Variants in ELMO1 observed in about 807,000 individuals in gnomAD.
ELMO1 encodes the protein engulfment and cell motility protein 1.
In ELMO1, 26 loss-of-function variants were observed where a neutral mutation model predicts 98.9. The observed-to-expected ratio is 0.26, with a 90% CI of 0.19 to 0.36. The LOEUF (loss-of-function observed/expected upper bound fraction) is 0.36. Among genes scored for constraint, ELMO1 ranks in the 10% least tolerant of loss-of-function variants. ELMO1 has a pLI of 1.00. For synonymous variants in ELMO1, 346 were observed against 346.0 expected (o/e 1.00, Z 0.00); for missense variants, 627 against 935.2 (o/e 0.67, Z 4.30).
At chr7:37,245,813 C>T (rs1034956133) in intron 6 of ELMO1, among the ~76,000 whole-genome samples, 2 of 152,050 alleles carry the variant, frequency 1.3e-5, no homozygotes, top group African/African-American at 2.4e-5. Flanking sequence ...CAAAACATAA[C>T]GCAATACAGG....
At position 37,109,189 on chromosome 7, in the gene ELMO1, G is replaced by C. The variant is rs202232919; in HGVS notation, c.1192-12462C>G. The stretch of plus-strand genomic sequence containing the variant: ...CCTGGTGTGCCCCCAGGGACAATGC[G>C]GCCACGTGGATGAAAACACTCAGAA... On this transcript the variant is annotated intron_variant, in intron 14 of 21. Transcript: ENST00000310758. 2.0e-5 allele frequency among the ~76,000 whole-genome samples: 3 copies of C among 152,050 alleles called. No individual in the cohort carries two copies. The South Asian group carries it at 6.2e-4, about 32-fold the overall frequency.
chr7:37,366,170 G>A (rs1211910281), intron 1 of ELMO1, among the ~76,000 whole-genome samples: 2 of 152,072 alleles, frequency 1.3e-5, no homozygotes, highest in African/African-American at 4.8e-5. Flanking sequence ...GATTTCTATA[G>A]CATGTATTCT....
intron 13 of ELMO1, among the ~76,000 whole-genome samples, chr7:37,158,105 T>C (rs138596148): frequency 0.034 from 5,218 of 152,284 alleles, 142 homozygotes; most frequent in East Asian, 0.14. Context: ...TAGCCATATG[T>C]AGAAAGCTGA....
At chr7:37,301,539 A>C (rs951952812) in intron 4 of ELMO1, among the ~76,000 whole-genome samples, 3 of 151,944 alleles carry the variant, frequency 2.0e-5, no homozygotes, top group Admixed American at 6.6e-5. Flanking sequence ...GACAGTAAAG[A>C]GCTGCAGTTC....
chr7:37,417,293 A>C (rs1204509768), intron 1 of ELMO1, among the ~76,000 whole-genome samples: 1 of 152,172 alleles, frequency 6.6e-6, no homozygotes. Context: ...ATCAAGTTAA[A>C]ACGAGGTCAT....
In ELMO1 at chr7:37,366,786, G is replaced by C. The variant is rs1047314115; in HGVS notation, c.-73-24023C>G. On this transcript the variant is annotated intron_variant, in intron 1 of 21. Coordinates refer to ENST00000310758, the MANE Select transcript of ELMO1 (RefSeq NM_014800.11). ...CGAACTCCTCTAACGGAGAAAGAGA[G>C]ATTCTTTATTCATTTCAAAAATATT... Among the ~76,000 whole-genome samples, 3 of 152,224 alleles carry C rather than the reference G, an allele frequency of 2.0e-5. No homozygotes were observed. The South Asian group carries it at 6.2e-4, about 31-fold the overall frequency.
chr7:37,411,000 G>A (rs1412544468), intron 1 of ELMO1, among the ~76,000 whole-genome samples: 1 of 152,196 alleles, frequency 6.6e-6, no homozygotes, highest in Non-Finnish European at 1.5e-5. Flanking sequence ...CTAAGTAAGA[G>A]TTTGGCTTTT....
intron 15 of ELMO1, among the ~76,000 whole-genome samples, chr7:37,062,371 T>C (rs1796711374): frequency 1.3e-5 from 2 of 152,264 alleles, no homozygotes; most frequent in Admixed American, 1.3e-4. Context: ...AGGATGAACA[T>C]TTTTCTCTCT....
chr7:37,256,503 G>A (rs1795649508), intron 6 of ELMO1, among the ~76,000 whole-genome samples: 1 of 148,822 alleles, frequency 6.7e-6, no homozygotes, highest in South Asian at 2.1e-4. Context: ...AGGGAGGGAG[G>A]ATGGAGGGAG....
intron 16 of ELMO1, among the ~76,000 whole-genome samples, chr7:36,980,393 A>G (rs896158657): frequency 1.3e-5 from 2 of 152,220 alleles, no homozygotes; most frequent in African/African-American, 4.8e-5. Context: ...TCAATGGAAC[A>G]TGGGCGCCAG....
chr7:36,922,013 TTTTG>T (rs1360968009), intron 16 of ELMO1, among the ~76,000 whole-genome samples: 1 of 152,336 alleles, frequency 6.6e-6, no homozygotes, highest in Non-Finnish European at 1.5e-5. Flanking sequence ...TCCTTGCTAA[TTTTG>T]TTTTTTTCTA....
chr7:37,073,853 A>T (rs933276942), intron 15 of ELMO1, among the ~76,000 whole-genome samples: 1 of 151,626 alleles, frequency 6.6e-6, no homozygotes, highest in African/African-American at 2.4e-5. Context: ...AAGTATTGGG[A>T]TTACAGGAAA....
chr7:37,080,436 C>CTTTT (rs1192675212), intron 15 of ELMO1, among the ~76,000 whole-genome samples: 2 of 136,570 alleles, frequency 1.5e-5, no homozygotes, highest in Non-Finnish European at 3.2e-5. Flanking sequence ...CACCATCCCA[C>CTTTT]TTTTTTTTTT....
intron 18 of ELMO1, among the ~76,000 whole-genome samples, chr7:36,879,882 C>A (rs1584295923): frequency 6.6e-6 from 1 of 152,168 alleles, no homozygotes; most frequent in African/African-American, 2.4e-5. Context: ...CTGAGTAATT[C>A]ACAGACATTT....
At chr7:37,043,098 C>A (rs1795613524) in intron 15 of ELMO1, among the ~76,000 whole-genome samples, 1 of 152,186 alleles carries the variant, frequency 6.6e-6, no homozygotes, top group Non-Finnish European at 1.5e-5. Context: ...TTCACTGTGG[C>A]AGGTTCAGGA....
intron 8 of ELMO1, among the ~76,000 whole-genome samples, chr7:37,228,434 A>C (rs189706749): frequency 2.2e-4 from 34 of 152,318 alleles, no homozygotes; most frequent in African/African-American, 7.9e-4. Flanking sequence ...TTTGGGTGAC[A>C]CAAGTGAGCC....
chr7:36,905,186 T>A (rs1369421172), intron 16 of ELMO1, among the ~76,000 whole-genome samples: 2 of 152,266 alleles, frequency 1.3e-5, no homozygotes, highest in African/African-American at 4.8e-5. Context: ...AAATTTTTAA[T>A]AATCATGCTA....
chr7:37,072,078 A>C (rs924103753), intron 15 of ELMO1, among the ~76,000 whole-genome samples: 1 of 152,212 alleles, frequency 6.6e-6, no homozygotes, highest in African/African-American at 2.4e-5. Context: ...TAAAACTTAC[A>C]AAAATTAGCT....
intron 16 of ELMO1, among the ~76,000 whole-genome samples, chr7:36,912,392 A>G (rs1784402051): frequency 6.6e-6 from 1 of 152,222 alleles, no homozygotes; most frequent in South Asian, 2.1e-4. Context: ...CTATGGAAAG[A>G]CACCTTAGAA....
Sources: allele counts gnomAD v4.1 joint callset (sites outside exome capture counted in the v4.1 genomes callset), GRCh38; gene constraint gnomAD v4.1.1; transcripts MANE v1.5; gene names NCBI Gene and HGNC (gene_info 2026-07-23, HGNC 2026-07-21).